DOCK7: variants seen among roughly 807,000 people sequenced by gnomAD.
DOCK7 encodes dedicator of cytokinesis protein 7.
Under a neutral mutation model 271.0 loss-of-function variants are expected in DOCK7, and 138 were observed. That is an observed-to-expected ratio of 0.51 (90% CI 0.44 to 0.59). DOCK7 has a LOEUF of 0.59. Ranked by LOEUF, DOCK7 falls within the 20% of genes least tolerant of loss-of-function variation. The pLI is 0.00. For missense variants in DOCK7, 2,066 were observed against 2,592.4 expected (o/e 0.80, Z 4.41); for synonymous variants, 823 against 876.1 (o/e 0.94, Z 1.07).
At chr1:62,656,096 G>A (rs572364600) in intron 2 of DOCK7, among the ~76,000 whole-genome samples, 1 of 152,248 alleles carries the variant, frequency 6.6e-6, no homozygotes, top group East Asian at 1.9e-4. Context: ...AACAGGAAAA[G>A]AGAAATCTTC....
At chr1:62,595,242 T>C (rs1649056080) in intron 14 of DOCK7, among the ~76,000 whole-genome samples, 1 of 152,324 alleles carries the variant, frequency 6.6e-6, no homozygotes, top group South Asian at 2.1e-4. Context: ...ACCAGTAAAA[T>C]ACTATAGTAT....
At position 62,663,118 on chromosome 1, in the gene DOCK7, G is replaced by A. The variant is rs369289587; in HGVS notation, c.51C>T (p.Ala17=). The change falls in exon 2 of 50, where the codon GCC becomes GCT. Residue 17 remains alanine, a synonymous_variant. Transcript: ENST00000635253. The part of the protein sequence containing the change: ...FAQKISRTVA[A]EVRKQISGQY... ...GTCCGGAGATCTGCTTCCTAACTTC[G>A]GCTGCCACCGTTCTACAATGAAGAA... 10 of 1,610,992 alleles carry A rather than the reference G, an allele frequency of 6.2e-6. No individual in the cohort carries two copies. In the East Asian group the frequency reaches 6.7e-5, roughly 11 times the overall value.
At chr1:62,638,410 T>C (rs1655543845) in intron 7 of DOCK7, 2 of 151,792 alleles carry the variant, frequency 1.3e-5, no homozygotes, top group African/African-American at 4.8e-5. Flanking sequence ...CCCTACATTA[T>C]CTTCTGGAAA....
intron 27 of DOCK7, among the ~76,000 whole-genome samples, chr1:62,539,028 T>C (rs531159582): frequency 1.3e-4 from 20 of 152,284 alleles, no homozygotes; most frequent in African/African-American, 4.8e-4. Flanking sequence ...TAAAACAAAA[T>C]CAGCTATGTT....
intron 12 of DOCK7, among the ~76,000 whole-genome samples, chr1:62,622,060 A>G (rs1653311778): frequency 6.6e-6 from 1 of 152,232 alleles, no homozygotes; most frequent in Admixed American, 6.5e-5. Context: ...TGATGCAAAC[A>G]GAGGCTTGAA....
chr1:62,507,340 G>C (rs1013529288), intron 35 of DOCK7, among the ~76,000 whole-genome samples: 1 of 152,136 alleles, frequency 6.6e-6, no homozygotes, highest in African/African-American at 2.4e-5. Flanking sequence ...TACTAGCTGC[G>C]TCATTATGGG....
In DOCK7 at chr1:62,663,054, T is replaced by C. The variant is rs757543149; in HGVS notation, c.115A>G (p.Ile39Val). Residue 39 changes from isoleucine to valine, a missense_variant, in exon 2 of 50, where the codon ATT becomes GTT. This residue lies in a region of DOCK7 where 1,414 missense variants were observed against 1,670.4 expected (regional missense o/e 0.85). Coordinates refer to ENST00000635253, the MANE Select transcript of DOCK7 (RefSeq NM_001367561.1). ...GSPQLLKNLN[I>V]VGNISHHTTV... The stretch of plus-strand genomic sequence containing the variant: ...GTGTGATGGGATATATTGCCAACAA[T>C]ATTAAGGTTTTTGAGCAGTTGGGGA... 1 of 1,613,750 alleles carries C rather than the reference T, an allele frequency of 6.2e-7. No individual in the cohort carries two copies. The highest frequency in any genetic ancestry group is 8.5e-7 in the Non-Finnish European group (1 of 1,179,894).
At chr1:62,562,015 T>C (rs1646339558) in intron 18 of DOCK7, among the ~76,000 whole-genome samples, 1 of 151,792 alleles carries the variant, frequency 6.6e-6, no homozygotes, top group Non-Finnish European at 1.5e-5. Flanking sequence ...TATATGTACA[T>C]ATATTTTTAT....
intron 31 of DOCK7, among the ~76,000 whole-genome samples, chr1:62,524,202 A>AG (rs1644933264): frequency 6.6e-6 from 1 of 152,188 alleles, no homozygotes. Flanking sequence ...GCAAAAATTT[A>AG]AAAATCTGAC....
At chr1:62,685,676 A>T (rs1404314658) in intron 1 of DOCK7, among the ~76,000 whole-genome samples, 1 of 152,128 alleles carries the variant, frequency 6.6e-6, no homozygotes, top group East Asian at 1.9e-4. Flanking sequence ...AGCCCCTCAA[A>T]ATTAACATGT....
intron 1 of DOCK7, among the ~76,000 whole-genome samples, chr1:62,665,230 C>T (rs1021391149): frequency 6.6e-6 from 1 of 152,058 alleles, no homozygotes; most frequent in East Asian, 1.9e-4. Context: ...CTCAGGTGAG[C>T]CACCCACCTT....
At chr1:62,479,657 T>C (rs1646062728) in intron 43 of DOCK7, 1 of 307,608 alleles carries the variant, frequency 3.3e-6, no homozygotes, top group Non-Finnish European at 6.8e-6. Context: ...TACATATACA[T>C]TCCTACTTTT....
At chr1:62,458,753 G>C (rs1204129254) in intron 48 of DOCK7, 1 of 151,950 alleles carries the variant, frequency 6.6e-6, no homozygotes, top group East Asian at 1.9e-4. Flanking sequence ...GGCTGGTCTC[G>C]AACTCCTGAC....
chr1:62,574,624 T>C (rs751432191), intron 18 of DOCK7, among the ~76,000 whole-genome samples: 1 of 152,216 alleles, frequency 6.6e-6, no homozygotes, highest in Non-Finnish European at 1.5e-5. Context: ...GCAGAAGGGT[T>C]ATTCAAGACT....
chr1:62,559,495 T>TG (rs898409160), intron 19 of DOCK7, among the ~76,000 whole-genome samples: 1 of 152,150 alleles, frequency 6.6e-6, no homozygotes, highest in African/African-American at 2.4e-5. Context: ...GTTCAATTAT[T>TG]GTGGCAGGCA....
intron 7 of DOCK7, among the ~76,000 whole-genome samples, chr1:62,642,722 T>C (rs963899671): frequency 8.5e-5 from 13 of 152,188 alleles, no homozygotes; most frequent in African/African-American, 2.9e-4. Flanking sequence ...GGTTTATCTT[T>C]ATGTTTTTCA....
At chr1:62,495,392 G>C in intron 39 of DOCK7, 189 bp downstream of exon 39, 2 of 347,230 alleles carry the variant, frequency 5.8e-6, no homozygotes, top group Admixed American at 5.0e-5. Context: ...AGGAGTTCAA[G>C]ACCAGCCTGG....
chr1:62,505,427 T>C (rs947431849), intron 36 of DOCK7, among the ~76,000 whole-genome samples: 1 of 152,150 alleles, frequency 6.6e-6, no homozygotes, highest in African/African-American at 2.4e-5. Flanking sequence ...TTCAGGCCCT[T>C]CTCCACATCC....
At chr1:62,610,198 AACTC>A (rs1402637036) in intron 14 of DOCK7, among the ~76,000 whole-genome samples, 1 of 152,262 alleles carries the variant, frequency 6.6e-6, no homozygotes, top group Non-Finnish European at 1.5e-5. Flanking sequence ...GATAGAATAA[AACTC>A]AGAGTGGTAT....
Sources: gnomAD v4.1 joint callset for allele counts (sites outside exome capture counted in the v4.1 genomes callset) on GRCh38, gnomAD v4.1.1 for gene constraint, gnomAD v4.1.1 regional missense constraint, MANE v1.5 for transcripts, NCBI Gene and HGNC (gene_info 2026-07-23, HGNC 2026-07-21) for gene names.